REXO5: variants seen among roughly 807,000 people sequenced by gnomAD.
REXO5 encodes the protein exonuclease NEF-sp.
A neutral mutation model predicts 88.5 loss-of-function variants in REXO5; 48 were observed. The ratio of observed to expected loss-of-function variants is 0.54; its 90% CI spans 0.43 to 0.69. The LOEUF is 0.69. Ranked by LOEUF, REXO5 falls within the 30% of genes least tolerant of loss-of-function variation. REXO5 has a pLI of 0.00. For missense variants in REXO5, 749 were observed against 912.2 expected (o/e 0.82, Z 2.30); for synonymous variants, 311 against 336.5 (o/e 0.92, Z 0.83).
Position 20,845,138 on chromosome 16 carries a change from C to A in REXO5, c.2021C>A (p.Thr674Asn). The A allele has an allele frequency of 6.2e-7, 1 of 1,614,140 alleles. No individual in the cohort carries two copies. The highest frequency in any genetic ancestry group is 8.5e-7 in the Non-Finnish European group (1 of 1,180,014). ...AAGCTGAAAGGCAGGCATGCCCTAA[C>A]CCCCAGGCACCTCCATGCCTGGCTC... is the stretch of plus-strand genomic sequence containing the variant. The part of the protein sequence containing the change: ...DWKLKGRHAL[T>N]PRHLHAWLRG... Residue 674 changes from threonine to asparagine, a missense_variant, in exon 18 of 20, where the codon ACC becomes AAC. By Grantham distance (65) the Thr-to-Asn change is moderately conservative (BLOSUM62 0). Transcript: ENST00000261377.
intron 5 of REXO5, among the ~76,000 whole-genome samples, chr16:20,818,442 A>G (rs573493131): frequency 1.3e-5 from 2 of 152,196 alleles, no homozygotes; most frequent in East Asian, 1.9e-4. Context: ...CTTTTTCTCC[A>G]TAGCTTCCAC....
At chr16:20,826,640 TA>T (rs1447281849) in intron 8 of REXO5, among the ~76,000 whole-genome samples, 1 of 152,198 alleles carries the variant, frequency 6.6e-6, no homozygotes. Context: ...TGTGAGTATA[TA>T]AATGTCTGAA....
chr16:20,838,388 A>C (rs2081471153), intron 13 of REXO5, among the ~76,000 whole-genome samples: 1 of 152,204 alleles, frequency 6.6e-6, no homozygotes, highest in Non-Finnish European at 1.5e-5. Context: ...TGCAGAAGTG[A>C]AACTTGGGCT....
chr16:20,838,803 A>G (rs1304662876), intron 13 of REXO5, among the ~76,000 whole-genome samples: 1 of 152,152 alleles, frequency 6.6e-6, no homozygotes, highest in Non-Finnish European at 1.5e-5. Flanking sequence ...TACCCAGAAC[A>G]TTGGACACAT....
intron 15 of REXO5, among the ~76,000 whole-genome samples, chr16:20,842,522 T>G (rs1456311667): frequency 6.6e-6 from 1 of 150,570 alleles, no homozygotes. Context: ...TCACCCAGGC[T>G]GGAGTTCAGT....
At position 20,821,979 on chromosome 16, in the gene REXO5, T is replaced by C. The variant is rs569895272; in HGVS notation, c.616+77T>C. Reference sequence around the variant, plus strand: ...CTTATTTAAATACTACTGTTTGAGATTCATTTATCTGGCTGTTTTCTGAGT... The same window carrying C: ...CTTATTTAAATACTACTGTTTGAGACTCATTTATCTGGCTGTTTTCTGAGT... On this transcript the variant is annotated intron_variant, in intron 6 of 19. Transcript: ENST00000261377. 1.4e-4 allele frequency: 186 copies of C among 1,377,322 alleles called. No homozygotes were observed. The African/African-American group carries it at 2.5e-3, about 18-fold the overall frequency. The allele number at this position is 1,377,322 out of a possible 1,614,324, so 85.3% of individuals were successfully genotyped here.
At chr16:20,815,354 T>C (rs2081065357) in intron 4 of REXO5, among the ~76,000 whole-genome samples, 1 of 152,150 alleles carries the variant, frequency 6.6e-6, no homozygotes, top group Non-Finnish European at 1.5e-5. Context: ...TACCTCTCTT[T>C]AAAAAAATCG....
At position 20,823,844 on chromosome 16, in the gene REXO5, G is replaced by A. The variant is rs556562820; in HGVS notation, c.617-595G>A. 3.9e-5 allele frequency among the ~76,000 whole-genome samples: 6 copies of A among 152,310 alleles called. No homozygotes were observed. The South Asian group carries it at 1.2e-3, about 32-fold the overall frequency. On this transcript the variant is annotated intron_variant, in intron 6 of 19. Coordinates refer to ENST00000261377, the MANE Select transcript of REXO5 (RefSeq NM_030941.3). Reference sequence around the variant, plus strand: ...ATAGAGGGAGTACCTTAAATCTATAGCTGAGCCTCTGTAGGAAATATGTGA... The same window carrying A: ...ATAGAGGGAGTACCTTAAATCTATAACTGAGCCTCTGTAGGAAATATGTGA...
In REXO5 at chr16:20,827,094, G is replaced by A. The variant is rs1254693789; in HGVS notation, c.858G>A (p.Val286=). The stretch of plus-strand genomic sequence containing the variant: ...TCACGAAGAAGATTCTTAACCCAGT[G>A]ACGACCAAACTCAAAGATGTACAGA... ...SGITKKILNP[V]TTKLKDVQRQ... is the part of the protein sequence containing the mutation. Residue 286 remains valine (V), a synonymous_variant, in exon 9 of 20, where the codon GTG becomes GTA. Coordinates refer to ENST00000261377, the MANE Select transcript of REXO5 (RefSeq NM_030941.3). The A allele has an allele frequency of 6.2e-7, 1 of 1,613,958 alleles. No individual in the cohort carries two copies. The highest frequency in any genetic ancestry group is 2.2e-5 in the East Asian group (1 of 44,862).
intron 5 of REXO5, among the ~76,000 whole-genome samples, chr16:20,820,657 G>A (rs1301279852): frequency 4.4e-5 from 6 of 136,796 alleles, no homozygotes; most frequent in Non-Finnish European, 9.1e-5. Context: ...TCTGCCTCCC[G>A]AGTTCAAGCA....
At chr16:20,808,156 C>A (rs902146077) in intron 2 of REXO5, among the ~76,000 whole-genome samples, 3 of 152,214 alleles carry the variant, frequency 2.0e-5, no homozygotes, top group Non-Finnish European at 4.4e-5. Flanking sequence ...ACCATCCCCC[C>A]AGCCCTTCTC....
chr16:20,834,380 C>G (rs532952609), intron 13 of REXO5, among the ~76,000 whole-genome samples: 1 of 152,254 alleles, frequency 6.6e-6, no homozygotes, highest in East Asian at 1.9e-4. Flanking sequence ...GAACTATGAT[C>G]GCACCACTAC....
intron 7 of REXO5, 66 bp from the exon 8 acceptor site, chr16:20,825,767 T>G: frequency 8.9e-7 from 1 of 1,125,050 alleles, no homozygotes; most frequent in Non-Finnish European, 1.3e-6. Flanking sequence ...GTTGACATAG[T>G]GTAAATAGTA....
intron 10 of REXO5, 46 bp downstream of exon 10, chr16:20,827,493 C>G (rs749701893): frequency 1.4e-6 from 2 of 1,385,290 alleles, no homozygotes; most frequent in African/African-American, 1.4e-5. Flanking sequence ...AAACTGCATA[C>G]AAGTTAGCAT....
chr16:20,849,358 C>A, intron 19 of REXO5, 41 bp from the exon 20 acceptor site: 1 of 1,565,228 alleles, frequency 6.4e-7, no homozygotes, highest in Non-Finnish European at 8.8e-7. Flanking sequence ...TTCATTCAAC[C>A]TTATGGATAA....
rs2080897271 is a variant in REXO5 at position 20,807,167 on chromosome 16, G to A, written c.138+76G>A. Reference sequence around the variant, plus strand: ...GGACCCTCGCCCAACCGCCGTCGGGGGCACTGGATTCGGGCGGGCTCTCCG... The same window carrying A: ...GGACCCTCGCCCAACCGCCGTCGGGAGCACTGGATTCGGGCGGGCTCTCCG... On this transcript the variant is annotated intron_variant, in intron 2 of 19. Transcript: ENST00000261377. 3 of 1,514,138 alleles carry A rather than the reference G, an allele frequency of 2.0e-6. No homozygotes were observed. The Admixed American group carries it at 6.4e-5, about 32-fold the overall frequency. 93.8% of individuals were successfully genotyped at this position (1,514,138 alleles called of 1,614,324 possible).
At position 20,813,182 on chromosome 16, in the gene REXO5, C is replaced by T. The variant is rs1478911930; in HGVS notation, c.139-8C>T. The T allele has an allele frequency of 6.3e-7, 1 of 1,589,138 alleles. No individual in the cohort carries two copies. Among genetic ancestry groups the T allele is most frequent in the South Asian group, 1.1e-5 (1 of 90,590 alleles). Reference sequence around the variant, plus strand: ...AATGGCTTGCTACGCCCTGATTAATCTTTGCAGAAAGCCCGCTTATCTACC... The same window carrying T: ...AATGGCTTGCTACGCCCTGATTAATTTTTGCAGAAAGCCCGCTTATCTACC... On this transcript the variant is annotated splice_polypyrimidine_tract_variant and splice_region_variant and intron_variant, in intron 2 of 19. Transcript: ENST00000261377.
chr16:20,825,773 T>A, intron 7 of REXO5, 60 bp from the exon 8 acceptor site: 1 of 1,190,740 alleles, frequency 8.4e-7, no homozygotes, highest in Non-Finnish European at 1.2e-6. Flanking sequence ...ATAGTGTAAA[T>A]AGTAAGAAGA....
intron 6 of REXO5, 79 bp downstream of exon 6, chr16:20,821,981 C>G: frequency 7.3e-7 from 1 of 1,366,342 alleles, no homozygotes; most frequent in East Asian, 2.5e-5. Context: ...GTTTGAGATT[C>G]ATTTATCTGG....
Sources: allele counts gnomAD v4.1 joint callset (sites outside exome capture counted in the v4.1 genomes callset), GRCh38; gene constraint gnomAD v4.1.1; transcripts MANE v1.5; gene names NCBI Gene and HGNC (gene_info 2026-07-23, HGNC 2026-07-21).